The following CFAP299 variants were observed in gnomAD, a reference collection of about 807,000 sequenced individuals.
CFAP299 encodes the protein cilia and flagella associated protein 299, also known as cilia- and flagella-associated protein 299.
Under a neutral mutation model 27.0 loss-of-function variants are expected in CFAP299, and 21 were observed. That is an observed-to-expected ratio of 0.78 (90% confidence interval 0.55 to 1.12). CFAP299 has a LOEUF of 1.12. Ranked by LOEUF, CFAP299 falls within the 50% of genes most tolerant of loss-of-function variation. CFAP299 has a pLI of 0.00. For synonymous variants in CFAP299, 104 were observed against 98.1 expected, an observed-to-expected ratio of 1.06 and a Z score of -0.36; for missense variants, 310 against 276.6, an observed-to-expected ratio of 1.12 and a Z score of -0.86.
At chr4:80,920,010 G>A (rs1463806417) in intron 4 of CFAP299, among the ~76,000 whole-genome samples, 2 of 152,174 alleles carry the variant, frequency 1.3e-5, no homozygotes, top group East Asian at 3.9e-4. Context: ...AAAATCTAGA[G>A]CTGCAACCTC....
chr4:80,571,090 A>T (rs1735559445), intron 2 of CFAP299, among the ~76,000 whole-genome samples: 1 of 152,166 alleles, frequency 6.6e-6, no homozygotes, highest in Non-Finnish European at 1.5e-5. Context: ...ACTGACATAA[A>T]GAAAATGTTG....
At chr4:80,427,915 A>G (rs929110889) in intron 2 of CFAP299, among the ~76,000 whole-genome samples, 2 of 152,150 alleles carry the variant, frequency 1.3e-5, no homozygotes, top group African/African-American at 4.8e-5. Context: ...TTATCTATTA[A>G]TTCACAAATG....
At chr4:80,939,351 T>C (rs1268809220) in intron 4 of CFAP299, among the ~76,000 whole-genome samples, 1 of 152,214 alleles carries the variant, frequency 6.6e-6, no homozygotes, top group Non-Finnish European at 1.5e-5. Context: ...CAGGCTTTCT[T>C]CACTCTTTTT....
chr4:80,549,044 G>A (rs189928234), intron 2 of CFAP299, among the ~76,000 whole-genome samples: 1 of 152,210 alleles, frequency 6.6e-6, no homozygotes, highest in East Asian at 1.9e-4. Context: ...CAGTGTGGGA[G>A]GAGAGTAGTG....
At chr4:80,580,912 A>G (rs974112964) in intron 2 of CFAP299, among the ~76,000 whole-genome samples, 2 of 152,000 alleles carry the variant, frequency 1.3e-5, no homozygotes, top group Non-Finnish European at 2.9e-5. Flanking sequence ...ATAACAAAAG[A>G]TGGTTCAGAT....
intron 3 of CFAP299, among the ~76,000 whole-genome samples, chr4:80,859,986 G>A (rs972904727): frequency 1.3e-5 from 2 of 152,120 alleles, no homozygotes; most frequent in Non-Finnish European, 2.9e-5. Flanking sequence ...AGTTCTCCTG[G>A]ATAATATCCT....
At chr4:80,702,141 C>A (rs1721532003) in intron 3 of CFAP299, among the ~76,000 whole-genome samples, 4 of 151,796 alleles carry the variant, frequency 2.6e-5, no homozygotes, top group Middle Eastern at 3.4e-3. Flanking sequence ...TTTATAATAT[C>A]CTTTCAAAAA....
chr4:80,785,367 A>G (rs749200422), intron 3 of CFAP299, among the ~76,000 whole-genome samples: 5 of 152,060 alleles, frequency 3.3e-5, no homozygotes, highest in Admixed American at 6.6e-5. Context: ...TTCATTCACC[A>G]CTGTCCTTGA....
intron 3 of CFAP299, among the ~76,000 whole-genome samples, chr4:80,638,182 G>A (rs1739547848): frequency 6.6e-6 from 1 of 152,126 alleles, no homozygotes; most frequent in Admixed American, 6.6e-5. Context: ...CCAGAAACAA[G>A]TAACTTCAAC....
intron 3 of CFAP299, among the ~76,000 whole-genome samples, chr4:80,845,293 T>TA (rs1553898805): frequency 1.3e-5 from 2 of 150,810 alleles, no homozygotes; most frequent in East Asian, 2.0e-4. Flanking sequence ...TTTTTTTTTT[T>TA]AAAAGACCGT....
intron 2 of CFAP299, among the ~76,000 whole-genome samples, chr4:80,572,511 T>TTTTTTTTTTTTTTTTTTTTTC (rs1735634657): frequency 9.2e-6 from 1 of 108,248 alleles, no homozygotes; most frequent in Non-Finnish European, 2.0e-5. Flanking sequence ...ATCCCAGTTT[T>TTTTTTTTTTTTTTTTTTTTTC]TTTTTTTTTT....
intron 2 of CFAP299, among the ~76,000 whole-genome samples, chr4:80,565,298 TA>T (rs1442611324): frequency 6.6e-6 from 1 of 152,020 alleles, no homozygotes; most frequent in African/African-American, 2.4e-5. Flanking sequence ...ACTATGTACC[TA>T]AAAAAGGAGT....
At chr4:80,850,234 G>T (rs1023189818) in intron 3 of CFAP299, among the ~76,000 whole-genome samples, 10 of 151,822 alleles carry the variant, frequency 6.6e-5, no homozygotes, top group African/African-American at 1.9e-4. Context: ...GCGGTGGGGG[G>T]GGTGATAAAA....
chr4:80,376,230 G>A (rs1360399074), intron 2 of CFAP299, among the ~76,000 whole-genome samples: 1 of 151,748 alleles, frequency 6.6e-6, no homozygotes, highest in East Asian at 1.9e-4. Flanking sequence ...CTATATGGTT[G>A]CATGAATGAG....
chr4:80,664,777 GA>G (rs1306509158), intron 3 of CFAP299, among the ~76,000 whole-genome samples: 1 of 151,834 alleles, frequency 6.6e-6, no homozygotes, highest in Non-Finnish European at 1.5e-5. Flanking sequence ...ACTGGGGTAT[GA>G]AAAAAAACTC....
In CFAP299 at chr4:80,869,881, C is replaced by T. The variant is rs748880217; in HGVS notation, c.334-112C>T. The T allele has an allele frequency of 1.1e-4, 106 of 1,009,510 alleles. 1 individual carries two copies. Among genetic ancestry groups the T allele is most frequent in the Middle Eastern group, 8.2e-4 (3 of 3,664 alleles). 62.5% of individuals were successfully genotyped at this position (1,009,510 alleles called of 1,614,324 possible). On this transcript the variant is annotated intron_variant, in intron 3 of 5. Transcript: ENST00000358105. ...ATGTTATAACCACTCTTTCAGAAGC[C>T]CTGCTTCCTATGGTCACTCATATTA...
intron 1 of CFAP299, among the ~76,000 whole-genome samples, chr4:80,336,867 T>A (rs1722173075): frequency 6.6e-6 from 1 of 152,202 alleles, no homozygotes; most frequent in African/African-American, 2.4e-5. Context: ...ATTTGCATCC[T>A]GCCACCAGCT....
intron 3 of CFAP299, among the ~76,000 whole-genome samples, chr4:80,830,625 T>C (rs1730250716): frequency 1.3e-5 from 2 of 151,940 alleles, no homozygotes; most frequent in East Asian, 1.9e-4. Context: ...AGGGCAGGAG[T>C]TGGACATTAA....
chr4:80,906,120 TA>T, intron 4 of CFAP299, among the ~76,000 whole-genome samples: 1 of 152,332 alleles, frequency 6.6e-6, no homozygotes, highest in East Asian at 1.9e-4. Context: ...AAGCATTAGT[TA>T]AATATACCCA....
Sources: allele counts gnomAD v4.1 joint callset (sites outside exome capture counted in the v4.1 genomes callset), GRCh38; gene constraint gnomAD v4.1.1; transcripts MANE v1.5; gene names NCBI Gene and HGNC (gene_info 2026-07-23, HGNC 2026-07-21).